Variants in TMEM87B observed in about 807,000 individuals in gnomAD.
The protein encoded by TMEM87B is transmembrane protein 87B.
In TMEM87B, 83 loss-of-function variants were observed where a neutral mutation model predicts 80.3. The observed-to-expected ratio is 1.03, with a 90% CI of 0.87 to 1.24. TMEM87B has a LOEUF of 1.24. Ranked by LOEUF, TMEM87B falls within the 50% of genes most tolerant of loss-of-function variation. The pLI, the probability that TMEM87B is intolerant of heterozygous loss-of-function variation, is 0.00. For synonymous variants in TMEM87B, 219 were observed against 230.5 expected (o/e 0.95, Z 0.45); for missense variants, 625 against 674.4 (o/e 0.93, Z 0.81).
chr2:112,061,122 G>A (rs1466738692), intron 2 of TMEM87B, among the ~76,000 whole-genome samples: 1 of 152,146 alleles, frequency 6.6e-6, no homozygotes, highest in Non-Finnish European at 1.5e-5. Context: ...GTTGATAAAA[G>A]TTAAAATATT....
At chr2:112,060,198 A>G (rs897997497) in intron 2 of TMEM87B, among the ~76,000 whole-genome samples, 161 bp downstream of exon 2, 3 of 151,934 alleles carry the variant, frequency 2.0e-5, no homozygotes, top group Admixed American at 2.0e-4. Flanking sequence ...ATACAAAAAA[A>G]GTTAGCTGGG....
chr2:112,107,350 T>A (rs1679797804), intron 16 of TMEM87B, among the ~76,000 whole-genome samples: 1 of 135,370 alleles, frequency 7.4e-6, no homozygotes, highest in Non-Finnish European at 1.6e-5. Context: ...AGAGTCAGAC[T>A]CTGTCTCAAA....
At chr2:112,112,877 C>CT (rs769622642) in intron 17 of TMEM87B, 22 bp from the exon 18 acceptor site, 3 of 1,610,598 alleles carry the variant, frequency 1.9e-6, no homozygotes, top group South Asian at 1.1e-5. Context: ...ACATTATCAC[C>CT]TTTTTTTCCC....
chr2:112,101,255 T>A (rs1198748287), intron 15 of TMEM87B, among the ~76,000 whole-genome samples: 1 of 152,250 alleles, frequency 6.6e-6, no homozygotes. Context: ...TTACTTTTGC[T>A]TCTCTTAGTA....
chr2:112,055,451 C>A lies in TMEM87B; in HGVS notation c.-141C>A. The A allele has an allele frequency of 9.8e-7, 1 of 1,018,956 alleles. No individual in the cohort carries two copies. Among genetic ancestry groups the A allele is most frequent in the Non-Finnish European group, 1.3e-6 (1 of 747,154 alleles). The allele number at this position is 1,018,956 out of a possible 1,614,324, so 63.1% of individuals were successfully genotyped here. On this transcript the variant is annotated 5_prime_UTR_variant, in exon 1 of 19. Coordinates refer to ENST00000283206, the MANE Select transcript of TMEM87B (RefSeq NM_032824.3). ...CAGAACTGCACGGCGCCTCTCCGCC[C>A]AGGCCCAAGCGCGAGCCCCTCCTCC...
chr2:112,086,214 T>C, intron 9 of TMEM87B, 110 bp downstream of exon 9: 1 of 749,636 alleles, frequency 1.3e-6, no homozygotes, highest in Non-Finnish European at 2.1e-6. Flanking sequence ...TACAAATCCC[T>C]TTGGGAAAAA....
chr2:112,103,025 AT>A (rs1209572682), intron 15 of TMEM87B, among the ~76,000 whole-genome samples: 2 of 152,242 alleles, frequency 1.3e-5, no homozygotes, highest in East Asian at 3.8e-4. Context: ...AACTGTGTTT[AT>A]TCGCAGGCAA....
intron 2 of TMEM87B, among the ~76,000 whole-genome samples, chr2:112,061,098 A>T (rs1402261854): frequency 6.6e-6 from 1 of 152,210 alleles, no homozygotes; most frequent in African/African-American, 2.4e-5. Context: ...CAACATTTTA[A>T]TTAGAGTTTT....
chr2:112,070,809 A>T (rs1232105202), intron 4 of TMEM87B, among the ~76,000 whole-genome samples: 1 of 151,658 alleles, frequency 6.6e-6, no homozygotes, highest in African/African-American at 2.4e-5. Flanking sequence ...ATCCATGAGC[A>T]TGGAACATCT....
intron 9 of TMEM87B, 66 bp downstream of exon 9, chr2:112,086,170 A>G: frequency 1.6e-6 from 2 of 1,278,742 alleles, no homozygotes; most frequent in Non-Finnish European, 2.2e-6. Context: ...CTACATTATG[A>G]CCTTTGTGAA....
chr2:112,088,210 T>C (rs1679203715), intron 9 of TMEM87B, among the ~76,000 whole-genome samples: 1 of 152,206 alleles, frequency 6.6e-6, no homozygotes, highest in Non-Finnish European at 1.5e-5. Context: ...CTTAGTACAG[T>C]GTAGGAAATG....
At chr2:112,102,033 A>C (rs1019705458) in intron 15 of TMEM87B, among the ~76,000 whole-genome samples, 2 of 152,216 alleles carry the variant, frequency 1.3e-5, no homozygotes, top group Non-Finnish European at 2.9e-5. Context: ...TCTTCCTATG[A>C]AGTACCAGGC....
At chr2:112,075,528 T>C (rs895683056) in intron 5 of TMEM87B, among the ~76,000 whole-genome samples, 1 of 152,170 alleles carries the variant, frequency 6.6e-6, no homozygotes. Flanking sequence ...AAAAATAAAA[T>C]TCCCCCTCTA....
intron 4 of TMEM87B, among the ~76,000 whole-genome samples, chr2:112,072,686 T>G (rs1453318424): frequency 6.6e-6 from 1 of 152,068 alleles, no homozygotes; most frequent in Non-Finnish European, 1.5e-5. Flanking sequence ...TACCTAGCAG[T>G]CTATCTGATT....
intron 4 of TMEM87B, among the ~76,000 whole-genome samples, 167 bp downstream of exon 4, chr2:112,067,234 T>A (rs1678462573): frequency 6.6e-6 from 1 of 152,254 alleles, no homozygotes. Flanking sequence ...TGAAGTACTG[T>A]TTTATCAGGA....
chr2:112,069,686 C>G (rs1259294290), intron 4 of TMEM87B, among the ~76,000 whole-genome samples: 1 of 152,010 alleles, frequency 6.6e-6, no homozygotes, highest in Non-Finnish European at 1.5e-5. Flanking sequence ...TATAATATAC[C>G]CAGTAATGGA....
chr2:112,088,631 A>G (rs971630216), intron 9 of TMEM87B, among the ~76,000 whole-genome samples: 1 of 152,152 alleles, frequency 6.6e-6, no homozygotes, highest in African/African-American at 2.4e-5. Flanking sequence ...CCTTAAATGT[A>G]TGTGCAATAA....
intron 14 of TMEM87B, among the ~76,000 whole-genome samples, chr2:112,099,834 GC>G (rs1468482898): frequency 6.8e-6 from 1 of 146,270 alleles, no homozygotes; most frequent in Non-Finnish European, 1.5e-5. Flanking sequence ...CTGAGATCAT[GC>G]CGCTGCTACT....
chr2:112,104,443 G>A (rs1679711656), intron 15 of TMEM87B, among the ~76,000 whole-genome samples: 1 of 152,128 alleles, frequency 6.6e-6, no homozygotes, highest in African/African-American at 2.4e-5. Context: ...ACATAGGAAT[G>A]GCCAATAAAC....
Sources: allele counts gnomAD v4.1 joint callset (sites outside exome capture counted in the v4.1 genomes callset), GRCh38; gene constraint gnomAD v4.1.1; transcripts MANE v1.5; gene names NCBI Gene and HGNC (gene_info 2026-07-23, HGNC 2026-07-21).